CAMTA1: variants seen among roughly 807,000 people sequenced by gnomAD.
The protein encoded by CAMTA1 is calmodulin binding transcription activator 1.
Under a neutral mutation model 170.9 loss-of-function variants are expected in CAMTA1, and 27 were observed. The observed-to-expected ratio is 0.16, with a 90% CI of 0.12 to 0.22. The LOEUF is 0.22. Ranked by LOEUF, CAMTA1 falls within the 10% of genes least tolerant of loss-of-function variation. CAMTA1 has a pLI of 1.00. For synonymous variants in CAMTA1, 833 were observed against 891.5 expected (o/e 0.93, Z 1.17); for missense variants, 1,619 against 2,217.2 (o/e 0.73, Z 5.42).
rs554376028 is a variant in CAMTA1 at position 7,672,628 on chromosome 1, G to A, written c.2779+1591G>A. On this transcript the variant is annotated intron_variant, in intron 10 of 22. Transcript: ENST00000303635. ...GTAGAGATGGAGTTTCACCATGTTG[G>A]CCAGGCTGGTCTCGAACTCCTGACG... is the stretch of plus-strand genomic sequence containing the variant. 2.6e-5 allele frequency among the ~76,000 whole-genome samples: 4 copies of A among 152,048 alleles called. No homozygotes were observed. In the South Asian group the frequency reaches 8.3e-4, roughly 32 times the overall value.
intron 6 of CAMTA1, among the ~76,000 whole-genome samples, chr1:7,476,199 A>G (rs1149338): frequency 0.68 from 103,685 of 152,030 alleles, 35,956 homozygotes; most frequent in East Asian, 0.8. Context: ...AGCCCGCTGT[A>G]CTCCAAGGGG....
intron 5 of CAMTA1, among the ~76,000 whole-genome samples, chr1:7,423,536 C>T (rs182811139): frequency 6.6e-6 from 1 of 151,810 alleles, no homozygotes; most frequent in Admixed American, 6.6e-5. Flanking sequence ...TACCCAGCCT[C>T]CCCCCGCCGG....
chr1:7,714,233 A>G lies in CAMTA1; in HGVS notation c.2915-18215A>G, dbSNP rs577453601. On this transcript the variant is annotated intron_variant, in intron 11 of 22. Coordinates refer to ENST00000303635, the MANE Select transcript of CAMTA1 (RefSeq NM_015215.4). ...AGAATGTTGAGAGTGATTTAGTAATATGCAACTTAAAACCAATGAACTATA... is the reference window on the plus strand; with the variant it reads ...AGAATGTTGAGAGTGATTTAGTAATGTGCAACTTAAAACCAATGAACTATA... Among the ~76,000 whole-genome samples the G allele has an allele frequency of 6.6e-5, 10 of 152,338 alleles. No homozygotes were observed. In the East Asian group the frequency reaches 1.5e-3, roughly 23 times the overall value.
intron 5 of CAMTA1, among the ~76,000 whole-genome samples, chr1:7,255,363 A>G (rs1667210664): frequency 6.6e-6 from 1 of 152,212 alleles, no homozygotes; most frequent in Non-Finnish European, 1.5e-5. Flanking sequence ...GTCTGTGGAC[A>G]GATTATTTTA....
chr1:7,098,144 C>T (rs1387557344), intron 4 of CAMTA1, among the ~76,000 whole-genome samples: 1 of 151,944 alleles, frequency 6.6e-6, no homozygotes, highest in African/African-American at 2.4e-5. Flanking sequence ...CGTGCGCATG[C>T]GTGTGTGTGC....
At chr1:7,653,704 T>TA (rs34733437) in intron 7 of CAMTA1, among the ~76,000 whole-genome samples, 44 of 149,218 alleles carry the variant, frequency 2.9e-4, no homozygotes, top group East Asian at 1.2e-3. Context: ...ATGAACCAAT[T>TA]AAAAAAAAAA....
intron 5 of CAMTA1, among the ~76,000 whole-genome samples, chr1:7,305,762 T>C (rs1472184040): frequency 6.6e-6 from 1 of 152,068 alleles, no homozygotes; most frequent in African/African-American, 2.4e-5. Flanking sequence ...AATGGTTGCG[T>C]TAGATAGTAA....
intron 6 of CAMTA1, among the ~76,000 whole-genome samples, chr1:7,490,611 C>T (rs2093688875): frequency 6.6e-6 from 1 of 151,988 alleles, no homozygotes; most frequent in South Asian, 2.1e-4. Context: ...GAGATTGTGC[C>T]ACTGCACTCC....
intron 3 of CAMTA1, among the ~76,000 whole-genome samples, chr1:7,051,046 GT>G (rs1706266669): frequency 6.6e-6 from 1 of 152,160 alleles, no homozygotes; most frequent in South Asian, 2.1e-4. Context: ...GCCCCTTTAT[GT>G]TTTGGTCGTG....
chr1:7,174,942 C>T (rs1558204876), intron 4 of CAMTA1, among the ~76,000 whole-genome samples: 1 of 152,172 alleles, frequency 6.6e-6, no homozygotes, highest in Admixed American at 6.5e-5. Flanking sequence ...CATGCCTTTC[C>T]CCAGGATTAG....
Position 6,887,356 on chromosome 1 carries a change from A to G in CAMTA1, c.234+62146A>G, listed in dbSNP as rs1673506352. On this transcript the variant is annotated intron_variant, in intron 3 of 22. Coordinates refer to ENST00000303635, the MANE Select transcript of CAMTA1 (RefSeq NM_015215.4). This position sits in a 1 kb window ranked among gnomAD's most constrained non-coding sequence, Gnocchi z 4.1. ...TCTTAAAGATAAAACCTACAACCCA[A>G]TAAAAGTCATGCTGTAACGATTGCA... Among the ~76,000 whole-genome samples the G allele has an allele frequency of 1.3e-5, 2 of 152,226 alleles. No homozygotes were observed. Among genetic ancestry groups the G allele is most frequent in the African/African-American group, 4.8e-5 (2 of 41,458 alleles).
chr1:6,883,851 CTA>C (rs1380003381), intron 3 of CAMTA1, among the ~76,000 whole-genome samples: 1 of 152,070 alleles, frequency 6.6e-6, no homozygotes, highest in East Asian at 1.9e-4. Context: ...ATAAAGGAAA[CTA>C]ATTTTAATAA....
At chr1:7,460,903 G>C (rs1329279030) in intron 5 of CAMTA1, among the ~76,000 whole-genome samples, 1 of 152,124 alleles carries the variant, frequency 6.6e-6, no homozygotes, top group Non-Finnish European at 1.5e-5. Flanking sequence ...TCTGGGGCCA[G>C]CCACAGGGGC....
intron 11 of CAMTA1, among the ~76,000 whole-genome samples, chr1:7,715,917 C>T (rs764730991): frequency 3.3e-5 from 5 of 152,222 alleles, no homozygotes; most frequent in Admixed American, 6.5e-5. Flanking sequence ...AAACCCTGTA[C>T]TTCCCTTGGG....
intron 3 of CAMTA1, among the ~76,000 whole-genome samples, chr1:6,905,285 C>T (rs1472078652): frequency 2.6e-5 from 4 of 151,224 alleles, no homozygotes; most frequent in Non-Finnish European, 5.9e-5. Context: ...CCTCCACCTC[C>T]CGGGTTCGAG....
intron 3 of CAMTA1, among the ~76,000 whole-genome samples, chr1:6,884,843 T>C (rs895029551): frequency 1.2e-4 from 18 of 152,240 alleles, no homozygotes; most frequent in African/African-American, 3.6e-4. Context: ...TAGGAGCATG[T>C]AGAGACTCTG....
At position 7,027,200 on chromosome 1, in the gene CAMTA1, G is replaced by A. The variant is rs183355621; in HGVS notation, c.235-64104G>A. The stretch of plus-strand genomic sequence containing the variant: ...TATCTTTCTCGCCTCTGGAGATAAA[G>A]TAGAAAAAAAAGAAATGTCTTCGGT... On this transcript the variant is annotated intron_variant, in intron 3 of 22. Coordinates refer to ENST00000303635, the MANE Select transcript of CAMTA1 (RefSeq NM_015215.4). Among the ~76,000 whole-genome samples the A allele has an allele frequency of 6.6e-5, 10 of 152,048 alleles. 1 individual carries two copies. The East Asian group carries it at 1.7e-3, about 27-fold the overall frequency.
At chr1:7,073,411 C>T (rs1364227640) in intron 3 of CAMTA1, among the ~76,000 whole-genome samples, 1 of 151,998 alleles carries the variant, frequency 6.6e-6, no homozygotes, top group East Asian at 1.9e-4. Context: ...TTGGGGTAGT[C>T]AGTGCAGAGA....
intron 3 of CAMTA1, among the ~76,000 whole-genome samples, chr1:6,968,159 C>T (rs1383342217): frequency 6.6e-6 from 1 of 152,224 alleles, no homozygotes; most frequent in Non-Finnish European, 1.5e-5. Context: ...CCAGATGGCA[C>T]CCTCAGGAGC....
Sources: allele counts gnomAD v4.1 joint callset (sites outside exome capture counted in the v4.1 genomes callset), GRCh38; gene constraint gnomAD v4.1.1; non-coding constraint Gnocchi (gnomAD v3.1); transcripts MANE v1.5; gene names NCBI Gene and HGNC (gene_info 2026-07-23, HGNC 2026-07-21).